The following CDK14 variants were observed in gnomAD, a reference collection of about 807,000 sequenced individuals.
CDK14 encodes cyclin dependent kinase 14.
Under a neutral mutation model 60.7 loss-of-function variants are expected in CDK14, and 34 were observed. That is an observed-to-expected ratio of 0.56 (90% CI 0.43 to 0.75). CDK14 has a LOEUF of 0.75. Ranked by LOEUF, CDK14 falls within the 30% of genes least tolerant of loss-of-function variation. The pLI is 0.00. For synonymous variants in CDK14, 197 were observed against 203.7 expected (o/e 0.97, Z 0.28); for missense variants, 482 against 564.1 (o/e 0.85, Z 1.47).
Position 91,090,877 on chromosome 7 carries a change from C to T in CDK14, c.1154+11397C>T, listed in dbSNP as rs191534311. On this transcript the variant is annotated intron_variant, in intron 12 of 14. Transcript: ENST00000380050. ...CCATTTCACAGTCTAAGCTCTGTCA[C>T]TCGTCACCTGTTTGTATCTAGTGTT... Among the ~76,000 whole-genome samples the T allele has an allele frequency of 5.9e-4, 90 of 152,170 alleles. 1 individual carries two copies. The Middle Eastern group carries it at 0.01, about 17-fold the overall frequency.
intron 14 of CDK14, among the ~76,000 whole-genome samples, chr7:91,135,037 A>G (rs1012826927): frequency 1.1e-4 from 17 of 152,114 alleles, no homozygotes; most frequent in African/African-American, 3.6e-4. Flanking sequence ...AAAAAAAAGC[A>G]GTGTGTTTCA....
At chr7:90,785,760 C>G (rs1368857611) in intron 4 of CDK14, among the ~76,000 whole-genome samples, 4 of 138,394 alleles carry the variant, frequency 2.9e-5, no homozygotes, top group African/African-American at 1.1e-4. Flanking sequence ...GCACCCCAGC[C>G]TGGGCGGCTG....
At position 90,917,615 on chromosome 7, in the gene CDK14, G is replaced by A; in HGVS notation, c.717G>A (p.Gln239=). 1 of 1,612,236 alleles carries A rather than the reference G, an allele frequency of 6.2e-7. No homozygotes were observed. The highest frequency in any genetic ancestry group is 8.5e-7 in the Non-Finnish European group (1 of 1,178,760). The change falls in exon 8 of 15, where the codon CAG becomes CAA. Residue 239 remains glutamine (Q), a synonymous_variant. Coordinates refer to ENST00000380050, the MANE Select transcript of CDK14 (RefSeq NM_001287135.2). ...HPDNVKLFLF[Q]LLRGLSYIHQ... is the part of the protein sequence containing the mutation. ...TTATTTTTCAGTTGTTTTTATTTCA[G>A]TTGCTGCGAGGTCTGTCTTACATCC... is the stretch of plus-strand genomic sequence containing the variant.
chr7:90,814,532 C>A (rs1371479352), intron 5 of CDK14, among the ~76,000 whole-genome samples: 2 of 152,152 alleles, frequency 1.3e-5, no homozygotes, highest in African/African-American at 2.4e-5. Flanking sequence ...CCTGTAATCC[C>A]AGCACTTTGG....
At chr7:91,024,723 G>T (rs1306419542) in intron 10 of CDK14, among the ~76,000 whole-genome samples, 5 of 152,178 alleles carry the variant, frequency 3.3e-5, no homozygotes, top group African/African-American at 4.8e-5. Context: ...TCTAATCGTA[G>T]TGCCTTTCCA....
intron 4 of CDK14, among the ~76,000 whole-genome samples, chr7:90,777,453 T>C (rs1805096688): frequency 6.6e-6 from 1 of 152,206 alleles, no homozygotes; most frequent in Non-Finnish European, 1.5e-5. Context: ...ACCTGAAGGT[T>C]TAACACAATG....
intron 12 of CDK14, among the ~76,000 whole-genome samples, chr7:91,080,112 C>T (rs1485079797): frequency 2.6e-5 from 4 of 152,128 alleles, no homozygotes; most frequent in African/African-American, 9.7e-5. Context: ...TTTAGTCATT[C>T]CCGTTTACTT....
At chr7:90,947,387 G>C (rs1168385013) in intron 8 of CDK14, among the ~76,000 whole-genome samples, 1 of 152,162 alleles carries the variant, frequency 6.6e-6, no homozygotes, top group African/African-American at 2.4e-5. Context: ...GGAGGTGATA[G>C]CACTACCTGC....
At chr7:90,716,609 G>T (rs983023479) in intron 2 of CDK14, among the ~76,000 whole-genome samples, 13 of 151,926 alleles carry the variant, frequency 8.6e-5, no homozygotes, top group African/African-American at 3.1e-4. Flanking sequence ...CCAATTCCAT[G>T]GTTGTTTAAA....
chr7:90,913,707 G>A (rs1792982912), intron 7 of CDK14, among the ~76,000 whole-genome samples: 1 of 152,154 alleles, frequency 6.6e-6, no homozygotes, highest in African/African-American at 2.4e-5. Flanking sequence ...AGTCTGTCCA[G>A]GTGTGTTGAC....
intron 11 of CDK14, among the ~76,000 whole-genome samples, chr7:91,055,268 C>T (rs1305272681): frequency 6.6e-6 from 1 of 152,130 alleles, no homozygotes; most frequent in African/African-American, 2.4e-5. Context: ...CCTTGATAAT[C>T]ACTTAAAAAT....
intron 14 of CDK14, among the ~76,000 whole-genome samples, chr7:91,176,932 G>C (rs1399205315): frequency 6.6e-6 from 1 of 152,266 alleles, no homozygotes; most frequent in South Asian, 2.1e-4. Flanking sequence ...CAATAGAAAA[G>C]GAGGGAATCC....
At chr7:90,767,116 C>T (rs1804597647) in intron 4 of CDK14, among the ~76,000 whole-genome samples, 1 of 152,220 alleles carries the variant, frequency 6.6e-6, no homozygotes, top group Non-Finnish European at 1.5e-5. Context: ...CCAAGCCCCC[C>T]ATGCACAGTG....
At chr7:90,824,555 G>C (rs1464138113) in intron 5 of CDK14, 1 of 152,172 alleles carries the variant, frequency 6.6e-6, no homozygotes, top group African/African-American at 2.4e-5. Flanking sequence ...ATCAAGGAGG[G>C]GAAATCATGT....
chr7:91,032,041 A>G (rs1796776618), intron 10 of CDK14, among the ~76,000 whole-genome samples: 1 of 152,178 alleles, frequency 6.6e-6, no homozygotes, highest in African/African-American at 2.4e-5. Flanking sequence ...CTTTTACCAG[A>G]CAGCAGGGGG....
chr7:90,897,496 A>G (rs1210618315), intron 6 of CDK14, among the ~76,000 whole-genome samples: 2 of 152,116 alleles, frequency 1.3e-5, no homozygotes, highest in African/African-American at 2.4e-5. Flanking sequence ...ATCTTATAGT[A>G]TAATGAGCAT....
chr7:90,888,127 G>A (rs1381698638), intron 6 of CDK14, among the ~76,000 whole-genome samples: 4 of 152,080 alleles, frequency 2.6e-5, no homozygotes, highest in South Asian at 2.1e-4. Flanking sequence ...CAAGGTGGGC[G>A]GATCATGAGG....
intron 10 of CDK14, among the ~76,000 whole-genome samples, chr7:91,003,494 CAT>C (rs989674400): frequency 1.3e-5 from 2 of 152,164 alleles, no homozygotes; most frequent in South Asian, 2.1e-4. Context: ...GTTCCTTTCT[CAT>C]GTGTAATGCA....
chr7:91,154,865 G>A (rs1800938953), intron 14 of CDK14, among the ~76,000 whole-genome samples: 1 of 152,148 alleles, frequency 6.6e-6, no homozygotes, highest in African/African-American at 2.4e-5. Flanking sequence ...CATATTTGGT[G>A]ACTAATTGGC....
Sources: allele counts gnomAD v4.1 joint callset (sites outside exome capture counted in the v4.1 genomes callset), GRCh38; gene constraint gnomAD v4.1.1; transcripts MANE v1.5; gene names NCBI Gene and HGNC (gene_info 2026-07-23, HGNC 2026-07-21).